GALK2: variants seen among roughly 807,000 people sequenced by gnomAD.
GALK2 encodes N-acetylgalactosamine kinase.
GALK2 carries 36 observed loss-of-function variants against 52.4 expected under a neutral mutation model. The ratio of observed to expected loss-of-function variants is 0.69; its 90% confidence interval spans 0.53 to 0.91. The LOEUF is 0.91. Among genes scored for constraint, GALK2 ranks in the 40% least tolerant of loss-of-function variants. The pLI, the probability that GALK2 is intolerant of heterozygous loss-of-function variation, is 0.00. For synonymous variants in GALK2, 176 were observed against 199.1 expected (o/e 0.88, Z 0.98); for missense variants, 579 against 559.1 (o/e 1.04, Z -0.36).
intron 5 of GALK2, among the ~76,000 whole-genome samples, chr15:49,266,664 G>A (rs2092372641): frequency 6.6e-6 from 1 of 152,180 alleles, no homozygotes; most frequent in African/African-American, 2.4e-5. Flanking sequence ...TCTGAAGAAG[G>A]AACTCTAGAA....
intron 8 of GALK2, among the ~76,000 whole-genome samples, chr15:49,300,915 G>C (rs2035058258): frequency 6.6e-6 from 1 of 152,106 alleles, no homozygotes; most frequent in Admixed American, 6.5e-5. Context: ...AGTGTTGGTG[G>C]GCTATGTACT....
intron 7 of GALK2, among the ~76,000 whole-genome samples, chr15:49,286,553 GCATA>G (rs2033376058): frequency 6.6e-6 from 1 of 152,062 alleles, no homozygotes; most frequent in African/African-American, 2.4e-5. Context: ...TATTTGGGGG[GCATA>G]CATTTTTTGA....
At chr15:49,361,212 A>G (rs914680671) in intron 3 of GALK2, among the ~76,000 whole-genome samples, 7 of 152,330 alleles carry the variant, frequency 4.6e-5, no homozygotes, top group African/African-American at 1.4e-4. Context: ...ATTAATTTAA[A>G]AAACTTAAAA....
intron 3 of GALK2, among the ~76,000 whole-genome samples, 181 bp downstream of exon 3, chr15:49,217,494 A>T: frequency 6.6e-6 from 1 of 152,318 alleles, no homozygotes; most frequent in Middle Eastern, 3.4e-3. Flanking sequence ...AATTCATTTA[A>T]GGAATATTTA....
downstream of GALK2, chr15:49,331,943 T>C: frequency 1.3e-6 from 1 of 764,302 alleles, no homozygotes; most frequent in Non-Finnish European, 2.3e-6. Context: ...TTTAATATGC[T>C]GGGCATTCGT....
intron 5 of GALK2, among the ~76,000 whole-genome samples, chr15:49,259,143 C>G (rs964389817): frequency 3.3e-5 from 5 of 151,116 alleles, no homozygotes; most frequent in Non-Finnish European, 7.4e-5. Flanking sequence ...AGGAGATGAT[C>G]ATAGACCTCA....
chr15:49,239,868 C>A (rs533699542), intron 5 of GALK2, among the ~76,000 whole-genome samples: 2 of 152,296 alleles, frequency 1.3e-5, no homozygotes, highest in African/African-American at 4.8e-5. Context: ...TACAAGAGGT[C>A]AGAAAGCCTC....
At chr15:49,307,294 G>T (rs1176317677) in intron 8 of GALK2, among the ~76,000 whole-genome samples, 23 of 152,130 alleles carry the variant, frequency 1.5e-4, no homozygotes, top group Non-Finnish European at 1.2e-4. Context: ...ACCATTTGGG[G>T]GACTGTTGAT....
upstream of GALK2, among the ~76,000 whole-genome samples, chr15:49,168,495 G>A (rs896659366): frequency 3.3e-5 from 5 of 152,166 alleles, no homozygotes; most frequent in Non-Finnish European, 5.9e-5. Flanking sequence ...GAGGTGGGCT[G>A]ATCACCTGAG....
At chr15:49,364,156 C>G (rs2044720590) in intron 3 of GALK2, among the ~76,000 whole-genome samples, 1 of 152,032 alleles carries the variant, frequency 6.6e-6, no homozygotes, top group East Asian at 1.9e-4. Context: ...GTCCCTCCTC[C>G]TCAATGTTTT....
chr15:49,346,323 ACATATG>A (rs1252696030), intron 3 of GALK2, among the ~76,000 whole-genome samples: 1 of 152,162 alleles, frequency 6.6e-6, no homozygotes, highest in Non-Finnish European at 1.5e-5. Flanking sequence ...GATTTTCTAT[ACATATG>A]TCCTACAAAA....
chr15:49,257,340 T>A (rs2091857954), intron 5 of GALK2, among the ~76,000 whole-genome samples: 1 of 152,168 alleles, frequency 6.6e-6, no homozygotes, highest in Admixed American at 6.6e-5. Flanking sequence ...GTCACCTGCC[T>A]CTTACATTCT....
chr15:49,364,678 C>T (rs570093849), intron 3 of GALK2, among the ~76,000 whole-genome samples: 3 of 152,132 alleles, frequency 2.0e-5, no homozygotes, highest in South Asian at 2.1e-4. Flanking sequence ...AAATTTTCAC[C>T]GTTGAACTGC....
At chr15:49,361,593 C>T (rs924547683) in intron 3 of GALK2, among the ~76,000 whole-genome samples, 4 of 152,170 alleles carry the variant, frequency 2.6e-5, no homozygotes, top group Non-Finnish European at 4.4e-5. Flanking sequence ...GTTTTTATGG[C>T]TGCACAGTAT....
At chr15:49,184,655 A>G (rs1009942347) in intron 1 of GALK2, among the ~76,000 whole-genome samples, 1 of 152,166 alleles carries the variant, frequency 6.6e-6, no homozygotes, top group African/African-American at 2.4e-5. Context: ...TGAGGTTACC[A>G]TGAGGCTTGC....
In GALK2 at chr15:49,204,416, C is replaced by CCG. The variant is rs2088088996; in HGVS notation, c.142+3166_142+3167insCG. Among the ~76,000 whole-genome samples the CCG allele has an allele frequency of 1.1e-4, 16 of 151,886 alleles. No homozygotes were observed. The South Asian group carries it at 3.1e-3, about 30-fold the overall frequency. On this transcript the variant is annotated intron_variant, in intron 2 of 9. Transcript: ENST00000560031. ...TATCATACGAGGAATTGCATTGAAT[C>CCG]TGTAGTAGTATGGTCATTTTAACAA...
intron 2 of GALK2, among the ~76,000 whole-genome samples, chr15:49,215,029 CTT>C (rs1296897046): frequency 1.3e-5 from 2 of 152,172 alleles, no homozygotes; most frequent in African/African-American, 4.8e-5. Flanking sequence ...TTCTTCAACA[CTT>C]TGAATATGTC....
downstream of GALK2, among the ~76,000 whole-genome samples, chr15:49,332,667 G>A (rs1415500392): frequency 1.3e-5 from 2 of 152,144 alleles, no homozygotes; most frequent in Non-Finnish European, 2.9e-5. Flanking sequence ...AATTTCACTG[G>A]CAATTTTCAA....
chr15:49,354,755 G>T (rs902017451), intron 3 of GALK2, among the ~76,000 whole-genome samples: 1 of 152,074 alleles, frequency 6.6e-6, no homozygotes, highest in African/African-American at 2.4e-5. Context: ...AAGGAGGCCT[G>T]CCTGCCTCTG....
Sources: gnomAD v4.1 joint callset for allele counts (sites outside exome capture counted in the v4.1 genomes callset) on GRCh38, gnomAD v4.1.1 for gene constraint, MANE v1.5 for transcripts, NCBI Gene and HGNC (gene_info 2026-07-23, HGNC 2026-07-21) for gene names.